Variants in CCDC85A observed in about 807,000 individuals in gnomAD.
CCDC85A encodes coiled-coil domain containing 85A, also known as coiled-coil domain-containing protein 85A.
CCDC85A carries 38 observed loss-of-function variants against 50.2 expected under a neutral mutation model. The ratio of observed to expected loss-of-function variants is 0.76; its 90% CI spans 0.58 to 0.99. The LOEUF is 0.99. Ranked by LOEUF, CCDC85A falls within the 50% of genes least tolerant of loss-of-function variation. The probability of loss-of-function intolerance (pLI) is 0.00; values close to 1 mark genes in which losing one functional copy is unlikely to be tolerated. For synonymous variants in CCDC85A, 366 were observed against 301.4 expected (o/e 1.21, Z -2.22); for missense variants, 820 against 742.0 (o/e 1.11, Z -1.22).
chr2:56,235,710 C>T (rs1668982231), intron 2 of CCDC85A, among the ~76,000 whole-genome samples: 1 of 152,042 alleles, frequency 6.6e-6, no homozygotes, highest in African/African-American at 2.4e-5. Flanking sequence ...ATGTAAGTCC[C>T]ATACAAATGG....
chr2:56,385,513 T>C lies in CCDC85A; in HGVS notation c.*1158T>C, dbSNP rs1676782576. On this transcript the variant is annotated 3_prime_UTR_variant, in exon 6 of 6. Coordinates refer to ENST00000407595, the MANE Select transcript of CCDC85A (RefSeq NM_001080433.2). The stretch of plus-strand genomic sequence containing the variant: ...GATAGGTATTTTGTGTTAATCCAAA[T>C]GCAATGATAGTTTCTTGTATGAATG... 1 of 152,240 alleles carries C rather than the reference T, an allele frequency of 6.6e-6. No individual in the cohort carries two copies. The highest frequency in any genetic ancestry group is 1.5e-5 in the Non-Finnish European group (1 of 67,828). 9.4% of individuals were successfully genotyped at this position (152,240 alleles called of 1,614,324 possible).
At chr2:56,373,013 T>C (rs941007671) in intron 4 of CCDC85A, among the ~76,000 whole-genome samples, 125 of 152,340 alleles carry the variant, frequency 8.2e-4, no homozygotes, top group Non-Finnish European at 5.9e-5. Flanking sequence ...TATATGTAAA[T>C]TGAACCCTCA....
intron 3 of CCDC85A, among the ~76,000 whole-genome samples, chr2:56,348,415 A>C (rs1193548866): frequency 6.6e-6 from 1 of 152,176 alleles, no homozygotes; most frequent in African/African-American, 2.4e-5. Flanking sequence ...ATCACCCCTG[A>C]GTGAGCCCCT....
chr2:56,283,005 T>C (rs974325344), intron 2 of CCDC85A, among the ~76,000 whole-genome samples: 9 of 152,236 alleles, frequency 5.9e-5, no homozygotes, highest in Admixed American at 5.9e-4. Context: ...ATATTGACCT[T>C]GTATCCTACG....
At chr2:56,215,867 T>A (rs1677372194) in intron 2 of CCDC85A, among the ~76,000 whole-genome samples, 1 of 151,896 alleles carries the variant, frequency 6.6e-6, no homozygotes, top group African/African-American at 2.4e-5. Flanking sequence ...GTTTTTACAT[T>A]TTTAAGTGGT....
intron 1 of CCDC85A, among the ~76,000 whole-genome samples, chr2:56,185,319 G>C (rs1675969611): frequency 6.6e-6 from 1 of 152,214 alleles, no homozygotes; most frequent in Non-Finnish European, 1.5e-5. Context: ...CTCTGGGCCA[G>C]CAGCTCTTGG....
chr2:56,334,614 G>A (rs1017938408), intron 2 of CCDC85A, among the ~76,000 whole-genome samples: 2 of 151,950 alleles, frequency 1.3e-5, no homozygotes, highest in Non-Finnish European at 2.9e-5. Flanking sequence ...ATATACACAG[G>A]TAGAGAGCTT....
intron 2 of CCDC85A, among the ~76,000 whole-genome samples, chr2:56,220,732 A>T (rs1668289437): frequency 6.6e-6 from 1 of 152,064 alleles, no homozygotes; most frequent in South Asian, 2.1e-4. Context: ...CCACAAATGC[A>T]TTGTCTAAAA....
chr2:56,376,359 C>G (rs527995778), intron 5 of CCDC85A, among the ~76,000 whole-genome samples: 16 of 152,190 alleles, frequency 1.1e-4, no homozygotes, highest in Non-Finnish European at 1.8e-4. Flanking sequence ...GTACATTATG[C>G]AACTTAAATA....
intron 2 of CCDC85A, among the ~76,000 whole-genome samples, chr2:56,254,076 A>T (rs1384532082): frequency 6.6e-6 from 1 of 152,218 alleles, no homozygotes; most frequent in Non-Finnish European, 1.5e-5. Flanking sequence ...ATACACATAT[A>T]CATATATGTG....
At chr2:56,370,894 A>G (rs1573360801) in intron 3 of CCDC85A, among the ~76,000 whole-genome samples, 1 of 152,320 alleles carries the variant, frequency 6.6e-6, no homozygotes, top group East Asian at 1.9e-4. Context: ...GGAAATAATC[A>G]AATTCAGATA....
At chr2:56,352,414 C>T (rs11676041) in intron 3 of CCDC85A, among the ~76,000 whole-genome samples, 12,241 of 152,136 alleles carry the variant, frequency 0.08, 647 homozygotes, top group Non-Finnish European at 0.11. Flanking sequence ...GGTGTGATCG[C>T]GGCTCACTGC....
intron 2 of CCDC85A, among the ~76,000 whole-genome samples, chr2:56,202,097 C>A (rs2103853494): frequency 6.6e-6 from 1 of 152,286 alleles, no homozygotes; most frequent in South Asian, 2.1e-4. Context: ...AATAAGGAAC[C>A]AGTTTTTCTC....
chr2:56,183,996 G>C lies in CCDC85A; in HGVS notation c.-629G>C, dbSNP rs1675874884. The C allele has an allele frequency of 1.0e-6, 1 of 985,604 alleles. No homozygotes were observed. Among genetic ancestry groups the C allele is most frequent in the Non-Finnish European group, 1.2e-6 (1 of 830,150 alleles). 61.1% of individuals were successfully genotyped at this position (985,604 alleles called of 1,614,324 possible). On this transcript the variant is annotated 5_prime_UTR_variant, in exon 1 of 6. Coordinates refer to ENST00000407595, the MANE Select transcript of CCDC85A (RefSeq NM_001080433.2). ...GGTCCCCCACCCTCCACCCCTTCTCGACTCCGCTCTGCAAATCGAAGGCTT... is the reference window on the plus strand; with the variant it reads ...GGTCCCCCACCCTCCACCCCTTCTCCACTCCGCTCTGCAAATCGAAGGCTT...
intron 2 of CCDC85A, among the ~76,000 whole-genome samples, chr2:56,339,275 T>A (rs1325259078): frequency 6.6e-6 from 1 of 152,208 alleles, no homozygotes; most frequent in Non-Finnish European, 1.5e-5. Flanking sequence ...AAAACTATGC[T>A]CTGTCTCTTC....
At chr2:56,215,020 TC>T (rs1363566878) in intron 2 of CCDC85A, among the ~76,000 whole-genome samples, 1 of 151,972 alleles carries the variant, frequency 6.6e-6, no homozygotes, top group East Asian at 1.9e-4. Flanking sequence ...ATGTCTCATC[TC>T]TGTTTATTTA....
chr2:56,348,306 A>C (rs1271022981), intron 3 of CCDC85A, among the ~76,000 whole-genome samples: 1 of 152,154 alleles, frequency 6.6e-6, no homozygotes, highest in East Asian at 1.9e-4. Context: ...TTTGCAAGCC[A>C]GTTTCTGAAT....
At chr2:56,323,564 G>C (rs1446291960) in intron 2 of CCDC85A, among the ~76,000 whole-genome samples, 2 of 151,908 alleles carry the variant, frequency 1.3e-5, no homozygotes, top group African/African-American at 4.8e-5. Flanking sequence ...CTCCTTCCTG[G>C]GGAAGAACCT....
chr2:56,262,157 C>G (rs1289835163), intron 2 of CCDC85A, among the ~76,000 whole-genome samples: 1 of 152,100 alleles, frequency 6.6e-6, no homozygotes, highest in South Asian at 2.1e-4. Context: ...TGGGAAGATT[C>G]AGTCTCCTGT....
Sources: allele counts gnomAD v4.1 joint callset (sites outside exome capture counted in the v4.1 genomes callset), GRCh38; gene constraint gnomAD v4.1.1; transcripts MANE v1.5; gene names NCBI Gene and HGNC (gene_info 2026-07-23, HGNC 2026-07-21).